GOLGB1: variants seen among roughly 807,000 people sequenced by gnomAD.
GOLGB1 encodes golgin B1.
Under a neutral mutation model 336.9 loss-of-function variants are expected in GOLGB1, and 174 were observed. That is an observed-to-expected ratio of 0.52 (90% CI 0.46 to 0.59). The LOEUF is 0.59. GOLGB1 is among the 20% of genes least tolerant of loss of function. The pLI, the probability that GOLGB1 is intolerant of heterozygous loss-of-function variation, is 0.00. For synonymous variants in GOLGB1, 1,208 were observed against 1,289.2 expected (o/e 0.94, Z 1.35); for missense variants, 3,331 against 3,645.3 (o/e 0.91, Z 2.22).
chr3:121,695,963 A>T lies in GOLGB1; in HGVS notation c.4560T>A (p.Arg1520=), dbSNP rs775730809. 2 of 1,614,024 alleles carry T rather than the reference A, an allele frequency of 1.2e-6. No individual in the cohort carries two copies. The highest frequency in any genetic ancestry group is 2.7e-5 in the African/African-American group (2 of 75,038). Residue 1520 remains arginine, a synonymous_variant, in exon 13 of 22, where the codon CGT becomes CGA. Coordinates refer to ENST00000614479, the MANE Select transcript of GOLGB1 (RefSeq NM_001366282.2). Reference sequence around the variant, plus strand: ...CCACATCTGCCAGAGACTTGGTGAGACGTTCAATGGTACCTCTGGCCAAAG... The same window carrying T: ...CCACATCTGCCAGAGACTTGGTGAGTCGTTCAATGGTACCTCTGGCCAAAG... ...ELSLARGTIE[R]LTKSLADVES... is the part of the protein sequence containing the mutation.
In GOLGB1 at chr3:121,722,311, C is replaced by G; in HGVS notation, c.599G>C (p.Ser200Thr). The change falls in exon 6 of 22, where the codon AGC (serine) becomes ACC (threonine). Residue 200 changes from serine to threonine, a missense_variant. Ser to Thr is a moderately conservative substitution (Grantham distance 58, BLOSUM62 1). Coordinates refer to ENST00000614479, the MANE Select transcript of GOLGB1 (RefSeq NM_001366282.2). ...CTGGCTGAGCTGGGCTTGTAAAGTG[C>G]TAATGAATTCTTCCTTCTCCTGGAG... ...QQLQEKEEFISTLQAQLSQTQ... is the reference protein window; with the variant it reads ...QQLQEKEEFITTLQAQLSQTQ... 6.2e-7 allele frequency: 1 copy of G among 1,612,968 alleles called. No individual in the cohort carries two copies. The highest frequency in any genetic ancestry group is 1.1e-5 in the South Asian group (1 of 91,064).
At chr3:121,702,449 G>A in intron 11 of GOLGB1, 32 bp downstream of exon 11, 1 of 949,348 alleles carries the variant, frequency 1.1e-6, no homozygotes, top group Non-Finnish European at 1.5e-6. Context: ...GGGATAAGAA[G>A]ACAGAGAATT....
intron 10 of GOLGB1, among the ~76,000 whole-genome samples, chr3:121,710,492 T>C (rs1216411903): frequency 6.6e-6 from 1 of 152,228 alleles, no homozygotes; most frequent in African/African-American, 2.4e-5. Context: ...AGTTAACTCT[T>C]GAATATGGGT....
intron 1 of GOLGB1, among the ~76,000 whole-genome samples, chr3:121,741,589 T>C (rs971745668): frequency 6.6e-6 from 1 of 152,206 alleles, no homozygotes; most frequent in Non-Finnish European, 1.5e-5. Flanking sequence ...ATGATAATTA[T>C]GGATACACTA....
intron 1 of GOLGB1, among the ~76,000 whole-genome samples, chr3:121,732,756 A>G (rs1946201442): frequency 6.6e-6 from 1 of 152,176 alleles, no homozygotes; most frequent in African/African-American, 2.4e-5. Context: ...TCTTTAAAAA[A>G]CTTACAGCCA....
At chr3:121,704,070 G>A (rs76346609) in intron 10 of GOLGB1, among the ~76,000 whole-genome samples, 1 of 151,722 alleles carries the variant, frequency 6.6e-6, no homozygotes, top group South Asian at 2.1e-4. Flanking sequence ...TTGGTGAATT[G>A]AGGATGATAA....
At chr3:121,686,043 A>G (rs1941688182) in intron 14 of GOLGB1, among the ~76,000 whole-genome samples, 1 of 152,158 alleles carries the variant, frequency 6.6e-6, no homozygotes, top group Non-Finnish European at 1.5e-5. Flanking sequence ...AACTGGACGT[A>G]ATTCTTTTGC....
Position 121,696,515 on chromosome 3 carries a change from C to T in GOLGB1, c.4008G>A (p.Glu1336=), listed in dbSNP as rs370166609. The change falls in exon 13 of 22, where the codon GAG becomes GAA. Residue 1336 remains glutamate, a synonymous_variant. Transcript: ENST00000614479. ...ATACCTCTTCTGATTTTTTAGTAAG[C>T]TCACTTGTTGTAGAACTAACTTTCA... ...LELKVSSTTS[E]LTKKSEEVFQ... 14 of 1,614,006 alleles carry T rather than the reference C, an allele frequency of 8.7e-6. No homozygotes were observed. The African/African-American group carries it at 9.3e-5, about 11-fold the overall frequency.
At chr3:121,699,222 A>C (rs911249005) in intron 12 of GOLGB1, among the ~76,000 whole-genome samples, 9 of 152,162 alleles carry the variant, frequency 5.9e-5, no homozygotes, top group Non-Finnish European at 1.3e-4. Context: ...TTCCTTCAGA[A>C]TAAAACTCCT....
Position 121,717,152 on chromosome 3 carries a change from A to T in GOLGB1, c.886-13T>A. The T allele has an allele frequency of 6.3e-7, 1 of 1,581,412 alleles. No individual in the cohort carries two copies. Among genetic ancestry groups the T allele is most frequent in the Non-Finnish European group, 8.6e-7 (1 of 1,165,016 alleles). On this transcript the variant is annotated splice_polypyrimidine_tract_variant and intron_variant, in intron 8 of 21. Transcript: ENST00000614479. ...GCTGAGAGAGAATCTAAGAAAAAAGACAAAGTCTCATGAGCCATAAATACA... is the reference window on the plus strand; with the variant it reads ...GCTGAGAGAGAATCTAAGAAAAAAGTCAAAGTCTCATGAGCCATAAATACA...
At chr3:121,665,149 G>C (rs557072843) in intron 20 of GOLGB1, 118 bp from the exon 21 acceptor site, 17 of 644,680 alleles carry the variant, frequency 2.6e-5, no homozygotes, top group Admixed American at 5.4e-5. Flanking sequence ...TGCAGCAAAA[G>C]CTGCTCCCAT....
chr3:121,736,308 T>C (rs1946461916), intron 1 of GOLGB1, among the ~76,000 whole-genome samples: 1 of 151,710 alleles, frequency 6.6e-6, no homozygotes, highest in African/African-American at 2.4e-5. Context: ...AACATCAGAG[T>C]GGTGAGACTT....
intron 1 of GOLGB1, among the ~76,000 whole-genome samples, chr3:121,745,243 CAT>C (rs1947166566): frequency 1.3e-5 from 2 of 151,626 alleles, no homozygotes; most frequent in South Asian, 2.1e-4. Flanking sequence ...GGAAAATATT[CAT>C]AGTCATAGTC....
In GOLGB1 at chr3:121,722,359, T is replaced by G. The variant is rs1945259468; in HGVS notation, c.551A>C (p.Glu184Ala). The G allele has an allele frequency of 6.9e-6, 11 of 1,596,956 alleles. No homozygotes were observed. Among genetic ancestry groups the G allele is most frequent in the Non-Finnish European group, 9.4e-6 (11 of 1,164,354 alleles). ...QPAQSSTEME[E>A]FVMMKQQLQE... ...GAGCTGTTGCTTCATCATTACAAAT[T>G]CTTCCATCTCTGTAGAACTCTTATC... The change falls in exon 6 of 22, where the codon GAA becomes GCA. Residue 184 changes from glutamate to alanine, a missense_variant. Transcript: ENST00000614479.
chr3:121,664,655 A>G (rs1938343775), intron 21 of GOLGB1, 41 bp from the exon 22 acceptor site: 1 of 1,597,464 alleles, frequency 6.3e-7, no homozygotes, highest in African/African-American at 1.3e-5. Context: ...TTCACCCTAT[A>G]GGGCTATGTT....
chr3:121,744,618 C>CAAA (rs200070177), intron 1 of GOLGB1, among the ~76,000 whole-genome samples: 1,009 of 59,888 alleles, frequency 0.017, 22 homozygotes, highest in African/African-American at 0.052. Context: ...GACCTTGTCT[C>CAAA]AAAAAAAAAA....
intron 12 of GOLGB1, 33 bp from the exon 13 acceptor site, chr3:121,698,962 C>A: frequency 1.4e-6 from 2 of 1,452,286 alleles, no homozygotes; most frequent in South Asian, 1.4e-5. Context: ...AAGCTGTAAT[C>A]AAATGTTTTA....
chr3:121,734,307 T>C (rs1044012018), intron 1 of GOLGB1, among the ~76,000 whole-genome samples: 23 of 150,926 alleles, frequency 1.5e-4, no homozygotes, highest in Non-Finnish European at 2.4e-4. Context: ...CAAGAATCGG[T>C]TGAACCTGGA....
rs1406561727 is a variant in GOLGB1 at position 121,697,020 on chromosome 3, T to G, written c.3503A>C (p.Glu1168Ala). The change falls in exon 13 of 22, where the codon GAA (glutamate) becomes GCA (alanine). Residue 1168 changes from glutamate (E) to alanine (A), a missense_variant. Transcript: ENST00000614479. ...TTTTTCAAGGGCCAGTATCTTTTCTTCTAGTTCTGGTTTCCAGTGTTCACT... is the reference window on the plus strand; with the variant it reads ...TTTTTCAAGGGCCAGTATCTTTTCTGCTAGTTCTGGTTTCCAGTGTTCACT... ...GSSEHWKPEL[E>A]EKILALEKEK... The G allele has an allele frequency of 9.3e-6, 15 of 1,614,112 alleles. No homozygotes were observed. Among genetic ancestry groups the G allele is most frequent in the African/African-American group, 1.3e-5 (1 of 75,046 alleles).
Sources: allele counts gnomAD v4.1 joint callset (sites outside exome capture counted in the v4.1 genomes callset), GRCh38; gene constraint gnomAD v4.1.1; transcripts MANE v1.5; gene names NCBI Gene and HGNC (gene_info 2026-07-23, HGNC 2026-07-21).